DDX43: variants seen among roughly 807,000 people sequenced by gnomAD.
DDX43 encodes DEAD-box helicase 43.
DDX43 carries 50 observed loss-of-function variants against 84.9 expected under a neutral mutation model. The observed-to-expected ratio is 0.59, with a 90% CI of 0.47 to 0.75. The LOEUF (loss-of-function observed/expected upper bound fraction) is 0.75, where lower values mean the gene tolerates loss of function less well. DDX43 is among the 30% of genes least tolerant of loss of function. DDX43 has a pLI of 0.00. For missense variants in DDX43, 689 were observed against 798.6 expected, an observed-to-expected ratio of 0.86 and a Z score of 1.65; for synonymous variants, 291 against 266.3, an observed-to-expected ratio of 1.09 and a Z score of -0.90.
rs769055869 is a variant in DDX43, at chr6:73,406,477, A to C, written c.921A>C (p.Gln307His). ...LMPGFIHLVLQPSLKGQRNRP... is the reference protein window; with the variant it reads ...LMPGFIHLVLHPSLKGQRNRP... ...CTGGATTTATTCATCTGGTCCTTCA[A>C]CCCAGGTAAGAATTCCTATGGCTGG... Residue 307 changes from glutamine to histidine, a missense_variant, in exon 7 of 17, where the codon CAA becomes CAC. This residue lies in a region of DDX43 where 552 missense variants were observed against 692.7 expected (regional missense o/e 0.80). Coordinates refer to ENST00000370336, the MANE Select transcript of DDX43 (RefSeq NM_018665.3). 1 of 1,601,034 alleles carries C rather than the reference A, an allele frequency of 6.2e-7. No homozygotes were observed.
chr6:73,396,708 A>G (rs773678624), intron 1 of DDX43, among the ~76,000 whole-genome samples: 2 of 152,220 alleles, frequency 1.3e-5, no homozygotes, highest in African/African-American at 4.8e-5. Context: ...CTAAAACTGT[A>G]TACTCATTGA....
At position 73,406,428 on chromosome 6, in the gene DDX43, GA is replaced by G; in HGVS notation, c.875del (p.Lys292ArgfsTer6). The G allele has an allele frequency of 6.2e-7, 1 of 1,613,788 alleles. No individual in the cohort carries two copies. The highest frequency in any genetic ancestry group is 8.5e-7 in the Non-Finnish European group (1 of 1,179,756). On this transcript the variant is annotated frameshift_variant, in exon 7 of 17. Transcript: ENST00000370336. LOFTEE classifies it high-confidence loss of function. ...ATAGGAGTAGCCCAGACTGGAACAG[GA>G]AAGACATTGTGTTATTTAATGCCTG... ...DLIGVAQTGT[G>X]KTLCYLMPGF...
At chr6:73,414,103 C>T in intron 13 of DDX43, 24 bp downstream of exon 13, 1 of 1,429,974 alleles carries the variant, frequency 7.0e-7, no homozygotes, top group Non-Finnish European at 9.8e-7. Context: ...ATTAGTATTT[C>T]ATACAGTTTA....
In DDX43 at chr6:73,403,816, ATT is replaced by A. The variant is rs35707346; in HGVS notation, c.569-856_569-855del. On this transcript the variant is annotated intron_variant, in intron 4 of 16. Transcript: ENST00000370336. ...AGGCACATACCACCATGCCAGGCTAATTTTTTTTTTTTTTTTTTTAAATGGAG... is the reference window on the plus strand; with the variant it reads ...AGGCACATACCACCATGCCAGGCTAATTTTTTTTTTTTTTTTTAAATGGAG... Among the ~76,000 whole-genome samples the A allele has an allele frequency of 4.0e-3, 560 of 138,456 alleles. 2 individuals carry two copies. Among genetic ancestry groups the A allele is most frequent in the African/African-American group, 0.012 (454 of 37,670 alleles). 90.8% of individuals were successfully genotyped at this position (138,456 alleles called of 152,430 possible).
At position 73,413,624 on chromosome 6, in the gene DDX43, G is replaced by A. The variant is rs375854936; in HGVS notation, c.1369-34G>A. 2.5e-6 allele frequency: 4 copies of A among 1,602,482 alleles called. No homozygotes were observed. In the East Asian group the frequency reaches 9.0e-5, roughly 36 times the overall value. On this transcript the variant is annotated intron_variant, in intron 11 of 16. Coordinates refer to ENST00000370336, the MANE Select transcript of DDX43 (RefSeq NM_018665.3). Reference sequence around the variant, plus strand: ...ATGCGGTCTCACCCTCAATCATGATGACCTTGATGAACTATGTTCTTTGAA... The same window carrying A: ...ATGCGGTCTCACCCTCAATCATGATAACCTTGATGAACTATGTTCTTTGAA...
At chr6:73,402,433 T>G (rs1209164430) in intron 4 of DDX43, among the ~76,000 whole-genome samples, 2 of 152,182 alleles carry the variant, frequency 1.3e-5, no homozygotes, top group East Asian at 1.9e-4. Flanking sequence ...TAAATTTTGT[T>G]TTTGATTTTT....
chr6:73,409,810 C>T (rs1769751942), intron 10 of DDX43, among the ~76,000 whole-genome samples: 1 of 152,138 alleles, frequency 6.6e-6, no homozygotes, highest in Admixed American at 6.6e-5. Flanking sequence ...GTGGGTGGAT[C>T]ACCCGAGGTC....
chr6:73,412,687 G>A (rs1769822493), intron 11 of DDX43, among the ~76,000 whole-genome samples: 1 of 144,064 alleles, frequency 6.9e-6, no homozygotes, highest in Non-Finnish European at 1.5e-5. Flanking sequence ...GCGTGTGTGT[G>A]TGTGCGCGTG....
chr6:73,414,020 C>T lies in DDX43; in HGVS notation c.1547C>T (p.Ser516Phe). 1 of 1,612,352 alleles carries T rather than the reference C, an allele frequency of 6.2e-7. No individual in the cohort carries two copies. The highest frequency in any genetic ancestry group is 8.5e-7 in the Non-Finnish European group (1 of 1,178,488). The change falls in exon 13 of 17, where the codon TCT (serine) becomes TTT (phenylalanine). Residue 516 changes from serine (S) to phenylalanine (F), a missense_variant. Around this residue, in one of 2 missense-constraint regions of DDX43, gnomAD observed 552 missense variants for 692.7 expected, o/e 0.80. Coordinates refer to ENST00000370336, the MANE Select transcript of DDX43 (RefSeq NM_018665.3). ...DLILGNISVE[S>F]LHGDREQRDR... Reference sequence around the variant, plus strand: ...ATACTTGGAAATATATCAGTAGAGTCTCTGCATGGAGATAGAGAACAGAGA... The same window carrying T: ...ATACTTGGAAATATATCAGTAGAGTTTCTGCATGGAGATAGAGAACAGAGA...
rs117625810 is a variant in DDX43 at position 73,400,031 on chromosome 6, A to G, written c.307-203A>G. On this transcript the variant is annotated intron_variant, in intron 2 of 16. Transcript: ENST00000370336. Reference sequence around the variant, plus strand: ...TTGTCCTGCCCCTCTCCATCTGACTAGGAGGTAAATCCCAGAGTAAATATA... The same window carrying G: ...TTGTCCTGCCCCTCTCCATCTGACTGGGAGGTAAATCCCAGAGTAAATATA... Among the ~76,000 whole-genome samples the G allele has an allele frequency of 2.2e-3, 340 of 152,316 alleles. 1 individual carries two copies. The highest frequency in any genetic ancestry group is 4.2e-3 in the Non-Finnish European group (289 of 68,026).
At chr6:73,396,232 G>A (rs1420406921) in intron 1 of DDX43, among the ~76,000 whole-genome samples, 2 of 152,118 alleles carry the variant, frequency 1.3e-5, no homozygotes, top group East Asian at 1.9e-4. Context: ...GATTACAGGC[G>A]TAAGCCCGGC....
chr6:73,395,064 C>G lies in DDX43; in HGVS notation c.159C>G (p.Gly53=), dbSNP rs1480503788. 2 of 1,613,494 alleles carry G rather than the reference C, an allele frequency of 1.2e-6. No individual in the cohort carries two copies. Among genetic ancestry groups the G allele is most frequent in the East Asian group, 4.5e-5 (2 of 44,840 alleles). ...TCGGCAGAGGTGGTCGCTGGAGAGG[C>G]ACCTCTAGGCCCCCGGAGGCCGTGG... ...YSVGRGGRWR[G]TSRPPEAVAA... is the part of the protein sequence containing the mutation. Residue 53 remains glycine, a synonymous_variant, in exon 1 of 17, where the codon GGC becomes GGG. Coordinates refer to ENST00000370336, the MANE Select transcript of DDX43 (RefSeq NM_018665.3).
At chr6:73,399,418 T>C (rs1250374141) in intron 2 of DDX43, among the ~76,000 whole-genome samples, 1 of 152,158 alleles carries the variant, frequency 6.6e-6, no homozygotes, top group African/African-American at 2.4e-5. Flanking sequence ...ACCCACTTCC[T>C]GACATACGCT....
intron 9 of DDX43, among the ~76,000 whole-genome samples, chr6:73,408,835 C>T (rs1051675880): frequency 6.6e-6 from 1 of 152,086 alleles, no homozygotes. Flanking sequence ...GGATGACAGG[C>T]GTGACCCAAC....
At chr6:73,395,832 A>T (rs995072922) in intron 1 of DDX43, among the ~76,000 whole-genome samples, 1 of 152,180 alleles carries the variant, frequency 6.6e-6, no homozygotes, top group Admixed American at 6.5e-5. Flanking sequence ...AAGAAAAGCT[A>T]TAAGGTCATT....
At chr6:73,397,005 G>C (rs576865096) in intron 1 of DDX43, among the ~76,000 whole-genome samples, 1 of 152,212 alleles carries the variant, frequency 6.6e-6, no homozygotes, top group South Asian at 2.1e-4. Flanking sequence ...GATTTCAGTA[G>C]TGTTATTATG....
chr6:73,410,672 A>G (rs1769765889), intron 10 of DDX43, among the ~76,000 whole-genome samples: 2 of 152,162 alleles, frequency 1.3e-5, no homozygotes, highest in Admixed American at 1.3e-4. Context: ...GCCTCACTGC[A>G]GTCTCAGCCT....
intron 13 of DDX43, 39 bp downstream of exon 13, chr6:73,414,118 T>A: frequency 7.9e-7 from 1 of 1,271,514 alleles, no homozygotes; most frequent in Non-Finnish European, 1.1e-6. Context: ...AGTTTAAAAT[T>A]AGTGCAATAC....
intron 1 of DDX43, among the ~76,000 whole-genome samples, chr6:73,396,724 T>G (rs1418237268): frequency 6.6e-6 from 1 of 152,152 alleles, no homozygotes; most frequent in Non-Finnish European, 1.5e-5. Flanking sequence ...ATTGAACAGC[T>G]CCCCATTTTT....
Sources: gnomAD v4.1 joint callset for allele counts (sites outside exome capture counted in the v4.1 genomes callset) on GRCh38, gnomAD v4.1.1 for gene constraint, gnomAD v4.1.1 regional missense constraint, MANE v1.5 for transcripts, NCBI Gene and HGNC (gene_info 2026-07-23, HGNC 2026-07-21) for gene names.